The following PTBP3 variants were observed in gnomAD, a reference collection of about 807,000 sequenced individuals.
PTBP3 encodes polypyrimidine tract binding protein 3.
Under a neutral mutation model 58.7 loss-of-function variants are expected in PTBP3, and 20 were observed. The ratio of observed to expected loss-of-function variants is 0.34; its 90% confidence interval spans 0.24 to 0.50. PTBP3 has a LOEUF of 0.50. PTBP3 is among the 20% of genes least tolerant of loss of function. PTBP3 has a pLI of 0.98. For missense variants in PTBP3, 509 were observed against 637.2 expected, an observed-to-expected ratio of 0.80 and a Z score of 2.17; for synonymous variants, 185 against 219.8, an observed-to-expected ratio of 0.84 and a Z score of 1.40.
At chr9:112,333,696 G>C (rs1830488449), upstream of PTBP3, 2 of 325,730 alleles carry the variant, frequency 6.1e-6, no homozygotes, top group Non-Finnish European at 9.8e-6. Context: ...GCGCGTCCCC[G>C]CCTAGCCCGA....
At chr9:112,296,562 T>C (rs1346517226) in intron 2 of PTBP3, among the ~76,000 whole-genome samples, 1 of 152,026 alleles carries the variant, frequency 6.6e-6, no homozygotes, top group Non-Finnish European at 1.5e-5. Context: ...TCCAAAAACA[T>C]CTGGATAAAG....
In PTBP3 at chr9:112,222,721, C is replaced by T; in HGVS notation, c.*1130G>A. 3.1e-6 allele frequency: 3 copies of T among 977,878 alleles called. No homozygotes were observed. Among genetic ancestry groups the T allele is most frequent in the Non-Finnish European group, 3.6e-6 (3 of 822,772 alleles). The allele number at this position is 977,878 out of a possible 1,614,324, so 60.6% of individuals were successfully genotyped here. ...AAACAGAGAAAGAAAAAACAAAATG[C>T]TTACCAAGCCCACAATATAGCTTTC... On this transcript the variant is annotated 3_prime_UTR_variant, in exon 14 of 14. Transcript: ENST00000374257.
the PTBP3 span, among the ~76,000 whole-genome samples, chr9:112,366,286 A>AG: frequency 6.6e-6 from 1 of 151,540 alleles, no homozygotes; most frequent in Non-Finnish European, 1.5e-5. Flanking sequence ...TGTCTCAAAA[A>AG]AAAAAAATTG....
At chr9:112,368,529 T>C in the PTBP3 span, among the ~76,000 whole-genome samples, 1 of 790 alleles carries the variant, frequency 1.3e-3, no homozygotes, top group African/African-American at 0.026. Flanking sequence ...AATCTTGGCT[T>C]TTTTTTTTTA....
chr9:112,339,319 G>A, the PTBP3 span, among the ~76,000 whole-genome samples: 2 of 131,408 alleles, frequency 1.5e-5, no homozygotes, highest in African/African-American at 5.4e-5. Flanking sequence ...AAAAAATACA[G>A]GCGTGAATCC....
chr9:112,288,165 A>T (rs1828224754), intron 2 of PTBP3, among the ~76,000 whole-genome samples: 1 of 152,136 alleles, frequency 6.6e-6, no homozygotes, highest in East Asian at 1.9e-4. Context: ...AGTTCAGTCC[A>T]TGTCTCCTCT....
chr9:112,344,817 C>A, the PTBP3 span, among the ~76,000 whole-genome samples: 1 of 152,022 alleles, frequency 6.6e-6, no homozygotes, highest in East Asian at 1.9e-4. Context: ...CTATATACCA[C>A]AAAAACAATT....
chr9:112,336,125 C>T (rs747811838), upstream of PTBP3, among the ~76,000 whole-genome samples: 67 of 152,164 alleles, frequency 4.4e-4, no homozygotes, highest in East Asian at 7.8e-4. Context: ...CCACCCACCT[C>T]GGCCTCCCAA....
At chr9:112,338,805 TC>T in the PTBP3 span, among the ~76,000 whole-genome samples, 1 of 152,224 alleles carries the variant, frequency 6.6e-6, no homozygotes, top group Non-Finnish European at 1.5e-5. Flanking sequence ...ATTTTTGTCA[TC>T]CCATGCCTGG....
At chr9:112,277,754 G>A (rs1298674721) in intron 2 of PTBP3, among the ~76,000 whole-genome samples, 2 of 151,924 alleles carry the variant, frequency 1.3e-5, no homozygotes, top group African/African-American at 2.4e-5. Flanking sequence ...GCGTATGCCT[G>A]TAATCCAGCT....
At chr9:112,253,237 C>A (rs1359286215) in intron 5 of PTBP3, among the ~76,000 whole-genome samples, 1 of 152,082 alleles carries the variant, frequency 6.6e-6, no homozygotes, top group Non-Finnish European at 1.5e-5. Context: ...AAAACAGAGA[C>A]AAAAGTCTAT....
At chr9:112,228,578 T>G in intron 10 of PTBP3, 106 bp from the exon 11 acceptor site, 2 of 661,928 alleles carry the variant, frequency 3.0e-6, no homozygotes, top group Non-Finnish European at 4.8e-6. Context: ...CCCTTGGCAA[T>G]TCCATACATA....
At chr9:112,356,626 C>G in the PTBP3 span, among the ~76,000 whole-genome samples, 2 of 151,566 alleles carry the variant, frequency 1.3e-5, no homozygotes, top group African/African-American at 4.9e-5. Context: ...TGTAGTCACT[C>G]CGCTGCTTGT....
intron 7 of PTBP3, among the ~76,000 whole-genome samples, chr9:112,243,582 A>T: frequency 6.6e-6 from 1 of 152,178 alleles, no homozygotes; most frequent in East Asian, 1.9e-4. Flanking sequence ...GAAAGGATAT[A>T]AACTGACATT....
chr9:112,332,931 GC>G (rs1024924406), intron 1 of PTBP3: 35 of 1,530,678 alleles, frequency 2.3e-5, no homozygotes, highest in Admixed American at 1.9e-5. Context: ...TCCCGCGGCG[GC>G]CCTGGGACCC....
chr9:112,368,698 T>G, the PTBP3 span, among the ~76,000 whole-genome samples: 889 of 152,298 alleles, frequency 5.8e-3, 62 homozygotes, highest in East Asian at 0.15. Context: ...TATGCAGCAC[T>G]AGTGGGAGTG....
chr9:112,235,516 G>A (rs1308463394), intron 7 of PTBP3, among the ~76,000 whole-genome samples: 1 of 152,134 alleles, frequency 6.6e-6, no homozygotes, highest in East Asian at 1.9e-4. Flanking sequence ...GAAGCCTGTT[G>A]ACTGTATATC....
rs1433556036 is a variant in PTBP3 at position 112,268,157 on chromosome 9, A to G, written c.243T>C (p.Thr81=). Residue 81 remains threonine, a synonymous_variant, in exon 4 of 14, where the codon ACT becomes ACC. Coordinates refer to ENST00000374257, the MANE Select transcript of PTBP3 (RefSeq NM_001163788.4). ...LEMASEEAAV[T]MVNYYTPITP... The stretch of plus-strand genomic sequence containing the variant: ...TAATAGGAGTGTAATAATTCACCAT[A>G]GTAACGGCAGCTTCCTCAGAAGCCA... The G allele has an allele frequency of 3.1e-6, 5 of 1,612,218 alleles. No individual in the cohort carries two copies. The highest frequency in any genetic ancestry group is 4.2e-6 in the Non-Finnish European group (5 of 1,179,596).
At chr9:112,238,505 G>A (rs1286568458) in intron 7 of PTBP3, among the ~76,000 whole-genome samples, 2 of 152,058 alleles carry the variant, frequency 1.3e-5, no homozygotes, top group Non-Finnish European at 2.9e-5. Context: ...TGTTAAGGGG[G>A]AATATATGAA....
Sources: gnomAD v4.1 joint callset for allele counts (sites outside exome capture counted in the v4.1 genomes callset) on GRCh38, gnomAD v4.1.1 for gene constraint, MANE v1.5 for transcripts, NCBI Gene and HGNC (gene_info 2026-07-23, HGNC 2026-07-21) for gene names.